Variants in PIEZO2 observed in about 807,000 individuals in gnomAD.
The protein encoded by PIEZO2 is piezo-type mechanosensitive ion channel component 2.
PIEZO2 carries 172 observed loss-of-function variants against 337.3 expected under a neutral mutation model. The ratio of observed to expected loss-of-function variants is 0.51; its 90% CI spans 0.45 to 0.58. The LOEUF (loss-of-function observed/expected upper bound fraction) is 0.58. Among genes scored for constraint, PIEZO2 ranks in the 20% least tolerant of loss-of-function variants. PIEZO2 has a pLI of 0.00. For missense variants in PIEZO2, 3,028 were observed against 3,391.3 expected, an observed-to-expected ratio of 0.89 and a Z score of 2.66; for synonymous variants, 1,251 against 1,228.5, an observed-to-expected ratio of 1.02 and a Z score of -0.38.
intron 7 of PIEZO2, among the ~76,000 whole-genome samples, chr18:10,832,873 A>C (rs1055544395): frequency 6.6e-6 from 1 of 152,140 alleles, no homozygotes; most frequent in Admixed American, 6.5e-5. Flanking sequence ...TCAGCACCTC[A>C]GGTAACTCCT....
rs1000388292 is a variant in PIEZO2 at position 10,821,452 on chromosome 18, C to A, written c.918-14178G>T. On this transcript the variant is annotated intron_variant, in intron 7 of 55. Coordinates refer to ENST00000674853, the MANE Select transcript of PIEZO2 (RefSeq NM_001378183.1). The surrounding 1 kb of genome is among the most constrained non-coding windows in gnomAD (Gnocchi z 4.2). ...TACTTGCATAAAGGTATCTACCTACCCACCTAGAAGTAGAATGTTCTGATT... is the reference window on the plus strand; with the variant it reads ...TACTTGCATAAAGGTATCTACCTACACACCTAGAAGTAGAATGTTCTGATT... Among the ~76,000 whole-genome samples, 6 of 151,976 alleles carry A rather than the reference C, an allele frequency of 3.9e-5. No individual in the cohort carries two copies. Among genetic ancestry groups the A allele is most frequent in the African/African-American group, 1.5e-4 (6 of 41,362 alleles).
At chr18:10,884,198 C>T (rs1181635083) in intron 4 of PIEZO2, among the ~76,000 whole-genome samples, 5 of 152,180 alleles carry the variant, frequency 3.3e-5, no homozygotes, top group African/African-American at 1.2e-4. Context: ...ATCTAATGTC[C>T]TCTAGATTAA....
chr18:11,079,762 T>G (rs111288779), intron 1 of PIEZO2, among the ~76,000 whole-genome samples: 7 of 152,318 alleles, frequency 4.6e-5, no homozygotes, highest in East Asian at 1.9e-4. Context: ...TCGTCTCTCA[T>G]AATGCCCTCA....
intron 7 of PIEZO2, among the ~76,000 whole-genome samples, chr18:10,848,356 G>C (rs1301738756): frequency 3.3e-5 from 5 of 152,152 alleles, no homozygotes; most frequent in Non-Finnish European, 7.4e-5. Flanking sequence ...TTTAACTTTA[G>C]AAGAAACTCA....
chr18:10,886,499 C>T (rs524474), intron 4 of PIEZO2, among the ~76,000 whole-genome samples: 52,842 of 68,550 alleles, frequency 0.77, 19,459 homozygotes, highest in African/African-American at 0.86. Flanking sequence ...TATATATATA[C>T]GCATATACAC....
chr18:10,800,472 G>T lies in PIEZO2; in HGVS notation c.1243C>A (p.Leu415Met). Reference protein sequence around the residue: ...TQDDYKPSDGLLVTVNGNPVD... With the variant: ...TQDDYKPSDGMLVTVNGNPVD... Reference sequence around the variant, plus strand: ...GGGTTGCCGTTCACAGTCACCAGCAGGCCCTGCCGGGAGTGCAGAGAAAGG... The same window carrying T: ...GGGTTGCCGTTCACAGTCACCAGCATGCCCTGCCGGGAGTGCAGAGAAAGG... Residue 415 changes from leucine to methionine, a missense_variant, in exon 11 of 56, where the codon CTG (leucine) becomes ATG (methionine). Coordinates refer to ENST00000674853, the MANE Select transcript of PIEZO2 (RefSeq NM_001378183.1). 6.5e-7 allele frequency: 1 copy of T among 1,527,770 alleles called. No individual in the cohort carries two copies. Among genetic ancestry groups the T allele is most frequent in the East Asian group, 2.5e-5 (1 of 40,332 alleles). The allele number at this position is 1,527,770 out of a possible 1,614,324, so 94.6% of individuals were successfully genotyped here. A position where few individuals can be genotyped will look rare whatever the true frequency, so the allele number is the denominator to read the frequency against.
intron 2 of PIEZO2, among the ~76,000 whole-genome samples, chr18:11,045,077 C>T (rs1670583001): frequency 6.6e-6 from 1 of 151,808 alleles, no homozygotes; most frequent in Non-Finnish European, 1.5e-5. Flanking sequence ...GGGCGGATCA[C>T]GAGGTCAGGA....
At chr18:11,074,864 A>G (rs557298689) in intron 1 of PIEZO2, among the ~76,000 whole-genome samples, 4 of 152,360 alleles carry the variant, frequency 2.6e-5, no homozygotes, top group Non-Finnish European at 4.4e-5. Context: ...ACCATTCTAT[A>G]GTAGCTCAAG....
At chr18:10,695,045 A>T (rs2035023105) in intron 47 of PIEZO2, among the ~76,000 whole-genome samples, 1 of 152,176 alleles carries the variant, frequency 6.6e-6, no homozygotes, top group African/African-American at 2.4e-5. Flanking sequence ...TTCCTACTAC[A>T]TCATATGGAC....
chr18:11,141,096 A>T (rs2040631410), intron 1 of PIEZO2, among the ~76,000 whole-genome samples: 1 of 152,218 alleles, frequency 6.6e-6, no homozygotes. Context: ...CTATCAGGGG[A>T]GACAGACTAA....
At chr18:10,762,063 A>C (rs1225979542) in intron 23 of PIEZO2, among the ~76,000 whole-genome samples, 1 of 152,222 alleles carries the variant, frequency 6.6e-6, no homozygotes, top group Non-Finnish European at 1.5e-5. Flanking sequence ...GTAAGGCTAT[A>C]TCCGCTTCTC....
At position 10,773,620 on chromosome 18, in the gene PIEZO2, G is replaced by T; in HGVS notation, c.2577C>A (p.His859Gln). ...KLPIHQNELA[H>Q]PEGSLPDLTM... Reference sequence around the variant, plus strand: ...TGAGGTCCGGGAGGCTTCCTTCCGGGTGGGCCAGTCTGTTGGCAGAGAGCA... The same window carrying T: ...TGAGGTCCGGGAGGCTTCCTTCCGGTTGGGCCAGTCTGTTGGCAGAGAGCA... Residue 859 changes from histidine to glutamine, a missense_variant, in exon 20 of 56, where the codon CAC becomes CAA. By Grantham distance (24) the His-to-Gln change is conservative. Transcript: ENST00000674853. This position sits in a 1 kb window ranked among gnomAD's most constrained non-coding sequence, Gnocchi z 5.3. 1 of 1,537,260 alleles carries T rather than the reference G, an allele frequency of 6.5e-7. No homozygotes were observed. Among genetic ancestry groups the T allele is most frequent in the Non-Finnish European group, 8.7e-7 (1 of 1,146,912 alleles).
At position 10,718,226 on chromosome 18, in the gene PIEZO2, G is replaced by T. The variant is rs769983242; in HGVS notation, c.5063C>A (p.Pro1688Gln). Reference protein sequence around the residue: ...PVEWEDREDEPIKKKSDGPDN... With the variant: ...PVEWEDREDEQIKKKSDGPDN... ...TGGTCCATCGGATTTCTTTTTGATTGGTTCATCCTCCCGGTCTTCCCATTC... is the reference window on the plus strand; with the variant it reads ...TGGTCCATCGGATTTCTTTTTGATTTGTTCATCCTCCCGGTCTTCCCATTC... The change falls in exon 37 of 56, where the codon CCA becomes CAA. Residue 1688 changes from proline (P) to glutamine (Q), a missense_variant. Transcript: ENST00000674853. The T allele has an allele frequency of 6.5e-7, 1 of 1,536,936 alleles. No homozygotes were observed. Among genetic ancestry groups the T allele is most frequent in the Non-Finnish European group, 8.7e-7 (1 of 1,146,710 alleles).
At position 10,953,320 on chromosome 18, in the gene PIEZO2, C is replaced by T. The variant is rs551967142; in HGVS notation, c.286+26215G>A. On this transcript the variant is annotated intron_variant, in intron 3 of 55. Coordinates refer to ENST00000674853, the MANE Select transcript of PIEZO2 (RefSeq NM_001378183.1). The surrounding 1 kb of genome is among the most constrained non-coding windows in gnomAD (Gnocchi z 5.2). The stretch of plus-strand genomic sequence containing the variant: ...GTATTTAAGAAAACTTTGCCCTTCC[C>T]TAACCCAAGATTACAAACATTTTCT... Among the ~76,000 whole-genome samples the T allele has an allele frequency of 9.1e-4, 138 of 152,270 alleles. 2 individuals are homozygous for T. Among genetic ancestry groups the T allele is most frequent in the South Asian group, 4.1e-3 (20 of 4,824 alleles).
intron 1 of PIEZO2, among the ~76,000 whole-genome samples, chr18:11,093,912 G>A (rs531707882): frequency 6.6e-6 from 1 of 152,104 alleles, no homozygotes; most frequent in South Asian, 2.1e-4. Context: ...ATTACATGTA[G>A]AGCAGCATAA....
chr18:11,045,609 G>A lies in PIEZO2; in HGVS notation c.160+20518C>T, dbSNP rs539009816. ...AAGGAAGAGAGCAGAGTGTCACTTT[G>A]TGCCAGCTCAGCTGGGAACATGGGC... On this transcript the variant is annotated intron_variant, in intron 2 of 55. Transcript: ENST00000674853. 2.6e-5 allele frequency among the ~76,000 whole-genome samples: 4 copies of A among 152,300 alleles called. 1 individual carries two copies. Among genetic ancestry groups the A allele is most frequent in the Middle Eastern group, 6.8e-3 (2 of 294 alleles).
rs2143743574 is a variant in PIEZO2, at chr18:10,750,130, C to A, written c.4225G>T (p.Ala1409Ser). 1.3e-6 allele frequency: 2 copies of A among 1,537,158 alleles called. No individual in the cohort carries two copies. The highest frequency in any genetic ancestry group is 1.7e-6 in the Non-Finnish European group (2 of 1,146,850). The change falls in exon 29 of 56, where the codon GCT becomes TCT. Residue 1409 changes from alanine to serine, a missense_variant. Around this residue, in one of 5 missense-constraint regions of PIEZO2, gnomAD observed 1,925 missense variants for 2,051.9 expected, o/e 0.94. Transcript: ENST00000674853. This position sits in a 1 kb window ranked among gnomAD's most constrained non-coding sequence, Gnocchi z 4.1. ...TTGACTGTGCAGGCCAGGCTGAAAG[C>A]CTGGATCAACCAACAACTATTGTGC... Reference protein sequence around the residue: ...LVHNSCWLIQAFSLACTVKGY... With the variant: ...LVHNSCWLIQSFSLACTVKGY...
intron 2 of PIEZO2, among the ~76,000 whole-genome samples, chr18:11,030,102 G>T (rs770124469): frequency 2.6e-5 from 4 of 152,054 alleles, no homozygotes; most frequent in Admixed American, 6.6e-5. Flanking sequence ...TCTTTCTAAA[G>T]AATTTTAAAA....
Position 10,696,452 on chromosome 18 carries a change from G to A in PIEZO2, c.6915C>T (p.Leu2305=). ...AGTCCACAGTGTCAGCCAGGAACAT[G>A]AGTACATACACGTCAGTCACGGCGC... ...EYSAVTDVYV[L]MFLADTVDFI... The change falls in exon 46 of 56, where the codon CTC becomes CTT. Residue 2305 remains leucine (L), a synonymous_variant. Transcript: ENST00000674853. 3 of 1,614,238 alleles carry A rather than the reference G, an allele frequency of 1.9e-6. No homozygotes were observed. Among genetic ancestry groups the A allele is most frequent in the Non-Finnish European group, 2.5e-6 (3 of 1,180,048 alleles).
Sources: allele counts gnomAD v4.1 joint callset (sites outside exome capture counted in the v4.1 genomes callset), GRCh38; gene constraint gnomAD v4.1.1; regional missense constraint gnomAD v4.1.1; non-coding constraint Gnocchi (gnomAD v3.1); transcripts MANE v1.5; gene names NCBI Gene and HGNC (gene_info 2026-07-23, HGNC 2026-07-21).